EVI5: variants seen among roughly 807,000 people sequenced by gnomAD.
EVI5 encodes ecotropic viral integration site 5 protein homolog.
A neutral mutation model predicts 112.0 loss-of-function variants in EVI5; 73 were observed. That is an observed-to-expected ratio of 0.65 (90% confidence interval 0.54 to 0.79). The LOEUF is 0.79. EVI5 is among the 30% of genes least tolerant of loss of function. The pLI, the probability that EVI5 is intolerant of heterozygous loss-of-function variation, is 0.00. For missense variants in EVI5, 900 were observed against 968.8 expected, an observed-to-expected ratio of 0.93 and a Z score of 0.94; for synonymous variants, 305 against 319.9, an observed-to-expected ratio of 0.95 and a Z score of 0.50.
At chr1:92,582,305 G>A (rs1672068630) in intron 18 of EVI5, among the ~76,000 whole-genome samples, 1 of 152,164 alleles carries the variant, frequency 6.6e-6, no homozygotes, top group Non-Finnish European at 1.5e-5. Flanking sequence ...ACATCATGGG[G>A]TGTGAGAGTT....
chr1:92,767,531 A>G (rs766880149), intron 1 of EVI5, among the ~76,000 whole-genome samples: 3 of 152,206 alleles, frequency 2.0e-5, no homozygotes, highest in African/African-American at 4.8e-5. Flanking sequence ...GGTGGAAAAA[A>G]TGTTCTCTTA....
intron 9 of EVI5, among the ~76,000 whole-genome samples, chr1:92,684,476 G>C (rs1421930145): frequency 1.3e-5 from 2 of 152,172 alleles, no homozygotes; most frequent in African/African-American, 4.8e-5. Context: ...CAGTGACACT[G>C]TGAAGAAACT....
intron 16 of EVI5, 38 bp from the exon 17 acceptor site, chr1:92,607,765 C>T (rs575732157): frequency 1.4e-6 from 2 of 1,459,924 alleles, no homozygotes; most frequent in Admixed American, 2.4e-5. Context: ...ACTATAGATA[C>T]AAGACCTAAA....
intron 1 of EVI5, chr1:92,756,211 A>G: frequency 2.4e-6 from 1 of 414,072 alleles, no homozygotes; most frequent in Non-Finnish European, 4.9e-6. Flanking sequence ...ATCATTAGAA[A>G]CCTATCAGTG....
chr1:92,708,849 G>C (rs1272727099), intron 2 of EVI5, among the ~76,000 whole-genome samples: 1 of 152,066 alleles, frequency 6.6e-6, no homozygotes, highest in African/African-American at 2.4e-5. Flanking sequence ...AGTTAATGAA[G>C]CCAGTCACAA....
At chr1:92,726,124 C>T (rs370976536) in intron 2 of EVI5, among the ~76,000 whole-genome samples, 87 of 152,146 alleles carry the variant, frequency 5.7e-4, no homozygotes, top group African/African-American at 2.0e-3. Context: ...AAAGAAGAGG[C>T]AAGAAAGGGA....
chr1:92,725,418 C>T (rs1322127678), intron 2 of EVI5, among the ~76,000 whole-genome samples: 5 of 151,948 alleles, frequency 3.3e-5, no homozygotes, highest in African/African-American at 1.2e-4. Context: ...TAACTGCATG[C>T]CAGAACAAAA....
chr1:92,675,943 G>C (rs144761697), intron 10 of EVI5, among the ~76,000 whole-genome samples: 1 of 139,760 alleles, frequency 7.2e-6, no homozygotes, highest in African/African-American at 2.7e-5. Flanking sequence ...GCGATACAGC[G>C]AGACTTCGTC....
rs546091746 is a variant in EVI5 at position 92,704,639 on chromosome 1, G to A, written c.255C>T (p.His85=). ...SSSSASSNLS[H]LEEDSWILWG... Reference sequence around the variant, plus strand: ...AAAGAATCCAAGAATCTTCTTCAAGGTGACTGAGGTTGCTAGAGGCTGATG... The same window carrying A: ...AAAGAATCCAAGAATCTTCTTCAAGATGACTGAGGTTGCTAGAGGCTGATG... Residue 85 remains histidine, a synonymous_variant, in exon 3 of 20, where the codon CAC becomes CAT. Transcript: ENST00000684568. The A allele has an allele frequency of 1.1e-5, 18 of 1,604,428 alleles. No homozygotes were observed. The East Asian group carries it at 3.4e-4, about 30-fold the overall frequency.
chr1:92,550,536 A>C (rs1666620454), intron 19 of EVI5, among the ~76,000 whole-genome samples: 1 of 150,330 alleles, frequency 6.7e-6, no homozygotes, highest in Non-Finnish European at 1.5e-5. Context: ...TCACAAGGTC[A>C]GGAGATCGAG....
intron 13 of EVI5, among the ~76,000 whole-genome samples, chr1:92,641,881 T>C (rs1660046568): frequency 6.6e-6 from 1 of 152,166 alleles, no homozygotes; most frequent in Non-Finnish European, 1.5e-5. Flanking sequence ...GGCTCACGCC[T>C]GTAATCCCAG....
chr1:92,763,445 C>T (rs1212815003), intron 1 of EVI5, among the ~76,000 whole-genome samples: 1 of 151,870 alleles, frequency 6.6e-6, no homozygotes, highest in African/African-American at 2.4e-5. Context: ...ACCTGTAATC[C>T]TAGTGCTTTC....
chr1:92,571,270 G>A (rs1171308372), intron 18 of EVI5, among the ~76,000 whole-genome samples: 2 of 149,374 alleles, frequency 1.3e-5, no homozygotes, highest in Non-Finnish European at 3.0e-5. Flanking sequence ...AGCAGCTCCA[G>A]GCTATGGCAG....
At chr1:92,642,752 T>C (rs1211403727) in intron 13 of EVI5, among the ~76,000 whole-genome samples, 10 of 152,202 alleles carry the variant, frequency 6.6e-5, no homozygotes. Flanking sequence ...ATGTTCTCTC[T>C]AGAATTATAG....
intron 2 of EVI5, among the ~76,000 whole-genome samples, chr1:92,726,028 G>A (rs1032544454): frequency 1.3e-5 from 2 of 152,108 alleles, no homozygotes; most frequent in East Asian, 1.9e-4. Flanking sequence ...ATTTGAATAC[G>A]TAGCAACTTT....
chr1:92,652,109 C>T (rs528007942), intron 13 of EVI5, among the ~76,000 whole-genome samples: 1 of 152,228 alleles, frequency 6.6e-6, no homozygotes, highest in East Asian at 1.9e-4. Flanking sequence ...TGTCCATCAA[C>T]AAACAAACGG....
At position 92,672,083 on chromosome 1, in the gene EVI5, G is replaced by A. The variant is rs187991197; in HGVS notation, c.1158+5075C>T. 3.3e-5 allele frequency among the ~76,000 whole-genome samples: 5 copies of A among 152,062 alleles called. No homozygotes were observed. The East Asian group carries it at 9.7e-4, about 30-fold the overall frequency. ...GCCTCCCTAAGTGCTGGGATTACAG[G>A]CATAAGCCACCCTGATGGTAGGCAT... On this transcript the variant is annotated intron_variant, in intron 10 of 19. Transcript: ENST00000684568.
At chr1:92,672,247 A>C (rs899991454) in intron 10 of EVI5, among the ~76,000 whole-genome samples, 2 of 152,204 alleles carry the variant, frequency 1.3e-5, no homozygotes, top group Non-Finnish European at 2.9e-5. Context: ...TTCTCTGCTG[A>C]AAACTGCCAT....
intron 19 of EVI5, among the ~76,000 whole-genome samples, chr1:92,538,203 T>C (rs1456290712): frequency 1.3e-5 from 2 of 152,172 alleles, no homozygotes; most frequent in Non-Finnish European, 2.9e-5. Flanking sequence ...CTTGATAAAA[T>C]TGAAACCATT....
Sources: allele counts gnomAD v4.1 joint callset (sites outside exome capture counted in the v4.1 genomes callset), GRCh38; gene constraint gnomAD v4.1.1; transcripts MANE v1.5; gene names NCBI Gene and HGNC (gene_info 2026-07-23, HGNC 2026-07-21).